KCNMA1: variants seen among roughly 807,000 people sequenced by gnomAD.
KCNMA1 encodes the protein potassium calcium-activated channel subfamily M alpha 1.
In KCNMA1, 29 loss-of-function variants were observed where a neutral mutation model predicts 140.0. That is an observed-to-expected ratio of 0.21 (90% confidence interval 0.15 to 0.28). The LOEUF (loss-of-function observed/expected upper bound fraction) is 0.28, where lower values mean the gene tolerates loss of function less well. KCNMA1 is among the 10% of genes least tolerant of loss of function. The probability of loss-of-function intolerance (pLI) is 1.00; values close to 1 mark genes in which losing one functional copy is unlikely to be tolerated. For synonymous variants in KCNMA1, 612 were observed against 611.9 expected (o/e 1.00, Z 0.00); for missense variants, 880 against 1,602.2 (o/e 0.55, Z 7.70).
chr10:77,436,689 C>T (rs974452211), intron 1 of KCNMA1, among the ~76,000 whole-genome samples: 6 of 152,178 alleles, frequency 3.9e-5, no homozygotes, highest in Admixed American at 3.9e-4. Context: ...TCCAGCAGCA[C>T]ATGACATGGA....
At chr10:77,637,182 C>A in intron 1 of KCNMA1, 83 bp downstream of exon 1, 3 of 1,348,954 alleles carry the variant, frequency 2.2e-6, no homozygotes, top group South Asian at 2.8e-5. Context: ...CACGGCGCGG[C>A]GCGGAGCGAG....
intron 2 of KCNMA1, among the ~76,000 whole-genome samples, chr10:77,391,032 G>A (rs995805798): frequency 2.0e-5 from 3 of 152,132 alleles, no homozygotes; most frequent in Non-Finnish European, 4.4e-5. Flanking sequence ...AAGAAAAATG[G>A]GAAAAAGGTC....
intron 1 of KCNMA1, among the ~76,000 whole-genome samples, chr10:77,504,260 G>A (rs2044989412): frequency 6.6e-6 from 1 of 152,210 alleles, no homozygotes; most frequent in Non-Finnish European, 1.5e-5. Context: ...GAGTGAGCAT[G>A]TCCCTTGCCC....
chr10:76,976,332 G>T (rs183239155), intron 19 of KCNMA1, among the ~76,000 whole-genome samples: 75 of 152,230 alleles, frequency 4.9e-4, no homozygotes, highest in Admixed American at 1.4e-3. Flanking sequence ...TAATCACAGG[G>T]TGTATTTCTG....
chr10:77,138,921 C>T (rs190568510), intron 5 of KCNMA1, among the ~76,000 whole-genome samples: 32 of 152,282 alleles, frequency 2.1e-4, no homozygotes, highest in Admixed American at 2.0e-4. Flanking sequence ...AGTCCTTCGC[C>T]GCCATTATCC....
intron 1 of KCNMA1, among the ~76,000 whole-genome samples, chr10:77,479,600 C>G (rs1409044136): frequency 1.3e-5 from 2 of 152,166 alleles, no homozygotes; most frequent in African/African-American, 4.8e-5. Flanking sequence ...CTCCCCATGT[C>G]TCTGAGGCAG....
Position 77,329,451 on chromosome 10 carries a change from C to G in KCNMA1, c.540+74411G>C, listed in dbSNP as rs189342690. Among the ~76,000 whole-genome samples, 844 of 152,296 alleles carry G rather than the reference C, an allele frequency of 5.5e-3. 6 individuals are homozygous for G. Among genetic ancestry groups the G allele is most frequent in the African/African-American group, 0.019 (803 of 41,562 alleles). On this transcript the variant is annotated intron_variant, in intron 2 of 27. Coordinates refer to ENST00000286628, the MANE Select transcript of KCNMA1 (RefSeq NM_001161352.2). ...TCTTGTTTCTTCTGCCAGGTGAGGA[C>G]ACAGTCAGAGGACTGCCATCTATGA...
chr10:77,514,568 A>G (rs559132797), intron 1 of KCNMA1, among the ~76,000 whole-genome samples: 191 of 152,298 alleles, frequency 1.3e-3, no homozygotes, highest in African/African-American at 4.4e-3. Flanking sequence ...ACTACTGAAA[A>G]TGGCCACATG....
At chr10:77,086,794 T>C (rs1220728032) in intron 10 of KCNMA1, among the ~76,000 whole-genome samples, 1 of 152,060 alleles carries the variant, frequency 6.6e-6, no homozygotes, top group African/African-American at 2.4e-5. Context: ...ACCAGTACCA[T>C]GGTAAAAGAA....
intron 1 of KCNMA1, among the ~76,000 whole-genome samples, chr10:77,587,432 T>A (rs2077564311): frequency 6.6e-6 from 1 of 152,182 alleles, no homozygotes; most frequent in Non-Finnish European, 1.5e-5. Context: ...TCTACATTCT[T>A]AAGTGTCCAA....
At chr10:77,270,668 C>A (rs2064823621) in intron 2 of KCNMA1, among the ~76,000 whole-genome samples, 1 of 146,290 alleles carries the variant, frequency 6.8e-6, no homozygotes, top group African/African-American at 2.6e-5. Context: ...ACTACAGGTG[C>A]ACACCACCAC....
At chr10:77,327,534 T>C (rs1228319110) in intron 2 of KCNMA1, among the ~76,000 whole-genome samples, 1 of 152,104 alleles carries the variant, frequency 6.6e-6, no homozygotes, top group East Asian at 1.9e-4. Context: ...TTTATATTTT[T>C]AGTAGAGATG....
intron 19 of KCNMA1, among the ~76,000 whole-genome samples, chr10:76,992,207 C>T (rs1292115019): frequency 6.6e-6 from 1 of 152,048 alleles, no homozygotes; most frequent in African/African-American, 2.4e-5. Flanking sequence ...CTGAGGATGA[C>T]CAAATGAGAT....
chr10:77,352,062 A>G (rs1336281080), intron 2 of KCNMA1, among the ~76,000 whole-genome samples: 2 of 152,218 alleles, frequency 1.3e-5, no homozygotes, highest in Non-Finnish European at 2.9e-5. Flanking sequence ...TTAAACACAA[A>G]CAAGATCCTA....
intron 2 of KCNMA1, among the ~76,000 whole-genome samples, chr10:77,368,987 T>A (rs927772851): frequency 1.3e-5 from 2 of 152,252 alleles, no homozygotes; most frequent in Admixed American, 1.3e-4. Context: ...TTTCTTCAAA[T>A]ATACACTTCT....
chr10:77,534,002 T>C (rs1311559210), intron 1 of KCNMA1, among the ~76,000 whole-genome samples: 1 of 152,170 alleles, frequency 6.6e-6, no homozygotes, highest in Non-Finnish European at 1.5e-5. Flanking sequence ...TGCTTGGTGC[T>C]GGCCTCTAGG....
intron 2 of KCNMA1, among the ~76,000 whole-genome samples, chr10:77,253,730 G>C (rs1412653435): frequency 6.6e-6 from 1 of 152,176 alleles, no homozygotes; most frequent in African/African-American, 2.4e-5. Context: ...TATTCAGCTG[G>C]AAGGCCTCCT....
rs576451884 is a variant in KCNMA1, at chr10:77,189,218, T to C, written c.603-4302A>G. ...ACCTGCCACTCCCAAAAAACCTTTC[T>C]TGCAACTACACACTAATTATAGGTG... On this transcript the variant is annotated intron_variant, in intron 3 of 27. Transcript: ENST00000286628. Among the ~76,000 whole-genome samples the C allele has an allele frequency of 3.9e-5, 6 of 152,234 alleles. No individual in the cohort carries two copies. In the South Asian group the frequency reaches 1.2e-3, roughly 32 times the overall value.
intron 2 of KCNMA1, among the ~76,000 whole-genome samples, chr10:77,378,948 C>A (rs74140146): frequency 0.013 from 1,933 of 152,264 alleles, 40 homozygotes; most frequent in African/African-American, 0.043. Context: ...AATCCTCATT[C>A]CATGGCCCCT....
Sources: allele counts gnomAD v4.1 joint callset (sites outside exome capture counted in the v4.1 genomes callset), GRCh38; gene constraint gnomAD v4.1.1; transcripts MANE v1.5; gene names NCBI Gene and HGNC (gene_info 2026-07-23, HGNC 2026-07-21).